Variants in MVB12B observed in about 807,000 individuals in gnomAD.
MVB12B encodes ESCRT-I complex subunit MVB12B.
A neutral mutation model predicts 41.6 loss-of-function variants in MVB12B; 16 were observed. The observed-to-expected ratio is 0.38, with a 90% CI of 0.26 to 0.58. The LOEUF (loss-of-function observed/expected upper bound fraction) is 0.58, where lower values mean the gene tolerates loss of function less well. Ranked by LOEUF, MVB12B falls within the 20% of genes least tolerant of loss-of-function variation. The probability of loss-of-function intolerance (pLI) is 0.62; values close to 1 mark genes in which losing one functional copy is unlikely to be tolerated. For synonymous variants in MVB12B, 133 were observed against 139.7 expected (o/e 0.95, Z 0.34); for missense variants, 274 against 380.2 (o/e 0.72, Z 2.32).
chr9:126,390,983 G>T (rs1830934407), intron 4 of MVB12B, among the ~76,000 whole-genome samples: 1 of 151,238 alleles, frequency 6.6e-6, no homozygotes, highest in Non-Finnish European at 1.5e-5. Context: ...CAGAAGGAAT[G>T]ACAGAGTTCA....
intron 2 of MVB12B, among the ~76,000 whole-genome samples, chr9:126,352,729 G>A (rs1005297833): frequency 1.3e-4 from 20 of 152,142 alleles, no homozygotes; most frequent in African/African-American, 4.6e-4. Flanking sequence ...GGGAAGATTA[G>A]GGAAAAGTAT....
intron 7 of MVB12B, among the ~76,000 whole-genome samples, chr9:126,447,028 G>A (rs1042974671): frequency 9.5e-5 from 13 of 136,414 alleles, no homozygotes; most frequent in East Asian, 9.4e-4. Context: ...CACTGCAACC[G>A]CCGCCTCCCA....
intron 7 of MVB12B, among the ~76,000 whole-genome samples, chr9:126,433,966 AAGTTGAAC>A (rs1251977263): frequency 6.6e-6 from 1 of 152,080 alleles, no homozygotes; most frequent in Non-Finnish European, 1.5e-5. Flanking sequence ...ACTTGGGGAG[AAGTTGAAC>A]AGTCGCACAA....
chr9:126,347,883 G>A (rs1464444664), intron 2 of MVB12B, among the ~76,000 whole-genome samples: 3 of 152,220 alleles, frequency 2.0e-5, no homozygotes, highest in Admixed American at 6.5e-5. Flanking sequence ...GTGGTGGGGG[G>A]CCTTTCAGGG....
chr9:126,436,664 T>C lies in MVB12B; in HGVS notation c.757+14716T>C, dbSNP rs1209624742. Among the ~76,000 whole-genome samples, 6 of 152,244 alleles carry C rather than the reference T, an allele frequency of 3.9e-5. No individual in the cohort carries two copies. Among genetic ancestry groups the C allele is most frequent in the African/African-American group, 1.4e-4 (6 of 41,470 alleles). On this transcript the variant is annotated intron_variant, in intron 7 of 9. Transcript: ENST00000361171. The surrounding 1 kb of genome is among the most constrained non-coding windows in gnomAD (Gnocchi z 4.1). The stretch of plus-strand genomic sequence containing the variant: ...CTTATGAAGAGTAACCTTTAAGGTC[T>C]GGTTCCTTAAATCCGTAGTGGCTCA...
At chr9:126,427,726 A>G (rs1346021117) in intron 7 of MVB12B, among the ~76,000 whole-genome samples, 2 of 152,234 alleles carry the variant, frequency 1.3e-5, no homozygotes, top group Admixed American at 6.5e-5. Context: ...GGTGAGCCAC[A>G]GTGCAGAAAC....
chr9:126,453,329 T>C (rs1025824406), intron 7 of MVB12B, among the ~76,000 whole-genome samples: 2 of 151,808 alleles, frequency 1.3e-5, no homozygotes, highest in African/African-American at 4.8e-5. Flanking sequence ...GGGTGAAAGG[T>C]CCAGCTGCAA....
At chr9:126,429,305 TG>T (rs1185352915) in intron 7 of MVB12B, among the ~76,000 whole-genome samples, 1 of 152,120 alleles carries the variant, frequency 6.6e-6, no homozygotes, top group Non-Finnish European at 1.5e-5. Context: ...TGGGAGCGGA[TG>T]GGGAATTGAT....
chr9:126,503,739 C>T lies in MVB12B; in HGVS notation c.*476C>T, dbSNP rs915730257. On this transcript the variant is annotated 3_prime_UTR_variant, in exon 10 of 10. Transcript: ENST00000361171. ...GGACTCTCCAGGGTCGCTGATCCTC[C>T]CCGGCCCAGGGCTGCCAGGAACAAG... 1 of 163,510 alleles carries T rather than the reference C, an allele frequency of 6.1e-6. No individual in the cohort carries two copies. The highest frequency in any genetic ancestry group is 6.2e-5 in the Admixed American group (1 of 16,166). 10.1% of individuals were successfully genotyped at this position (163,510 alleles called of 1,614,324 possible).
At chr9:126,419,025 T>C (rs562458984) in intron 6 of MVB12B, among the ~76,000 whole-genome samples, 1 of 152,338 alleles carries the variant, frequency 6.6e-6, no homozygotes, top group Non-Finnish European at 1.5e-5. Flanking sequence ...ACAGCTCGGC[T>C]GGCCCCATTT....
At chr9:126,418,427 CTG>C (rs1831890118) in intron 6 of MVB12B, among the ~76,000 whole-genome samples, 1 of 152,134 alleles carries the variant, frequency 6.6e-6, no homozygotes, top group African/African-American at 2.4e-5. Flanking sequence ...TTTAGAGGGT[CTG>C]TGGCAAGTCA....
intron 7 of MVB12B, among the ~76,000 whole-genome samples, chr9:126,461,665 G>A (rs1833092559): frequency 6.6e-6 from 1 of 151,994 alleles, no homozygotes; most frequent in Non-Finnish European, 1.5e-5. Context: ...GAAAATCCAA[G>A]TTTAAAAAAA....
Position 126,506,425 on chromosome 9 carries a change from C to G in MVB12B, c.*3162C>G, listed in dbSNP as rs1834072775. ...GTCGCAAGCCCGTGCTGGGGCTGCC[C>G]TTTCTGTTTCCAGTCCAGTTACGGA... On this transcript the variant is annotated 3_prime_UTR_variant, in exon 10 of 10. Coordinates refer to ENST00000361171, the MANE Select transcript of MVB12B (RefSeq NM_033446.3). 6.6e-6 allele frequency: 1 copy of G among 152,530 alleles called. No homozygotes were observed. The highest frequency in any genetic ancestry group is 2.4e-5 in the African/African-American group (1 of 41,460). The allele number at this position is 152,530 out of a possible 1,614,324, so 9.4% of individuals were successfully genotyped here. A position where few individuals can be genotyped will look rare whatever the true frequency, so the allele number is the denominator to read the frequency against.
intron 1 of MVB12B, among the ~76,000 whole-genome samples, chr9:126,334,698 A>G (rs1318105226): frequency 6.6e-6 from 1 of 152,068 alleles, no homozygotes; most frequent in Non-Finnish European, 1.5e-5. Flanking sequence ...ACCCAGCAAA[A>G]CCTGATGGGA....
chr9:126,431,911 G>A (rs1054233030), intron 7 of MVB12B, among the ~76,000 whole-genome samples: 6 of 152,314 alleles, frequency 3.9e-5, no homozygotes, highest in East Asian at 3.9e-4. Flanking sequence ...CTTATGGGAC[G>A]CTTCCTGTGC....
chr9:126,365,671 AT>A (rs1830159729), intron 2 of MVB12B, among the ~76,000 whole-genome samples: 1 of 152,170 alleles, frequency 6.6e-6, no homozygotes, highest in Admixed American at 6.5e-5. Context: ...GCAGTTGCTT[AT>A]TAATATACCT....
At chr9:126,377,301 T>A (rs1406958842) in intron 2 of MVB12B, among the ~76,000 whole-genome samples, 1 of 152,126 alleles carries the variant, frequency 6.6e-6, no homozygotes, top group African/African-American at 2.4e-5. Flanking sequence ...TGTGTGCACA[T>A]GTGCACATGT....
chr9:126,346,261 G>C (rs1054655020), intron 2 of MVB12B, among the ~76,000 whole-genome samples: 2 of 152,198 alleles, frequency 1.3e-5, no homozygotes, highest in African/African-American at 4.8e-5. Context: ...CCTGCGCCAG[G>C]CTATTGACAA....
intron 6 of MVB12B, among the ~76,000 whole-genome samples, chr9:126,412,801 T>G (rs1831690114): frequency 6.6e-6 from 1 of 152,212 alleles, no homozygotes; most frequent in Non-Finnish European, 1.5e-5. Flanking sequence ...AAAGATTGTC[T>G]TATGGGATTG....
Sources: allele counts gnomAD v4.1 joint callset (sites outside exome capture counted in the v4.1 genomes callset), GRCh38; gene constraint gnomAD v4.1.1; non-coding constraint Gnocchi (gnomAD v3.1); transcripts MANE v1.5; gene names NCBI Gene and HGNC (gene_info 2026-07-23, HGNC 2026-07-21).